Variants in STMN4 observed in about 807,000 individuals in gnomAD.
The protein encoded by STMN4 is stathmin 4, also known as stathmin-4.
Under a neutral mutation model 29.1 loss-of-function variants are expected in STMN4, and 12 were observed. The observed-to-expected ratio is 0.41, with a 90% CI of 0.26 to 0.67. The LOEUF (loss-of-function observed/expected upper bound fraction) is 0.67, where lower values mean the gene tolerates loss of function less well. STMN4 is among the 30% of genes least tolerant of loss of function. The probability of loss-of-function intolerance (pLI) is 0.30; values close to 1 mark genes in which losing one functional copy is unlikely to be tolerated. For synonymous variants in STMN4, 114 were observed against 105.3 expected (o/e 1.08, Z -0.51); for missense variants, 181 against 262.8 (o/e 0.69, Z 2.15).
At chr8:27,254,930 C>CACAT (rs1159141989) in intron 1 of STMN4, among the ~76,000 whole-genome samples, 2 of 127,540 alleles carry the variant, frequency 1.6e-5, no homozygotes, top group African/African-American at 6.1e-5. Context: ...TGGGAGCACT[C>CACAT]GTGTGTGTAG....
intron 1 of STMN4, among the ~76,000 whole-genome samples, chr8:27,250,359 C>T (rs77963899): frequency 0.038 from 5,739 of 152,242 alleles, 147 homozygotes; most frequent in Non-Finnish European, 0.058. Flanking sequence ...ATTCTTTCTA[C>T]AATATTTACT....
rs1334617503 is a variant in STMN4, at chr8:27,241,270, G to A, written c.191-8C>T. On this transcript the variant is annotated splice_polypyrimidine_tract_variant and splice_region_variant and intron_variant, in intron 4 of 6. Coordinates refer to ENST00000350889, the MANE Select transcript of STMN4 (RefSeq NM_030795.4). The stretch of plus-strand genomic sequence containing the variant: ...TCAGGTCCACCGTGTCTGCTACAGA[G>A]GGCAGAGAAGGGGCTGCTCACGTCC... The A allele has an allele frequency of 6.2e-7, 1 of 1,614,100 alleles. No homozygotes were observed.
At chr8:27,242,262 G>A (rs933959810) in intron 3 of STMN4, 135 bp downstream of exon 3, 2 of 898,494 alleles carry the variant, frequency 2.2e-6, no homozygotes, top group Non-Finnish European at 3.5e-6. Context: ...CTCACCCGCT[G>A]TGATTTCATC....
intron 5 of STMN4, among the ~76,000 whole-genome samples, 189 bp downstream of exon 5, chr8:27,240,865 A>G (rs1304594564): frequency 6.6e-6 from 1 of 152,174 alleles, no homozygotes; most frequent in East Asian, 1.9e-4. Context: ...GTGAGCTGCA[A>G]GAGGCCAAGG....
At chr8:27,240,546 G>A (rs1219396125) in intron 5 of STMN4, among the ~76,000 whole-genome samples, 4 of 152,144 alleles carry the variant, frequency 2.6e-5, no homozygotes, top group Non-Finnish European at 5.9e-5. Flanking sequence ...GTAGACATAT[G>A]CCCTAAGGTG....
chr8:27,236,884 G>A lies in STMN4; in HGVS notation c.613C>T (p.Arg205Trp), dbSNP rs761810061. 3 of 1,608,110 alleles carry A rather than the reference G, an allele frequency of 1.9e-6. No individual in the cohort carries two copies. Among genetic ancestry groups the A allele is most frequent in the Non-Finnish European group, 1.7e-6 (2 of 1,177,622 alleles). Residue 205 changes from arginine (R) to tryptophan (W), a missense_variant, in exon 7 of 7, where the codon CGG becomes TGG. Arg to Trp is a moderately radical substitution (Grantham distance 101, BLOSUM62 -3). Transcript: ENST00000350889. ...QEKDKHAEEV[R>W]KNKELKEEAS... is the part of the protein sequence containing the mutation. ...TCTTCCTTCAGCTCCTTGTTTTTCCGCACCTCCTCGGCGTGCTTGTCCTGG... is the reference window on the plus strand; with the variant it reads ...TCTTCCTTCAGCTCCTTGTTTTTCCACACCTCCTCGGCGTGCTTGTCCTGG...
chr8:27,250,847 G>C (rs551652140), intron 1 of STMN4, among the ~76,000 whole-genome samples: 185 of 152,322 alleles, frequency 1.2e-3, no homozygotes, highest in African/African-American at 4.4e-3. Flanking sequence ...AGCACTAACA[G>C]CTATGTTAAG....
At position 27,242,497 on chromosome 8, in the gene STMN4, G is replaced by A. The variant is rs3739213; in HGVS notation, c.14-5C>T. The A allele has an allele frequency of 0.13, 213,132 of 1,613,466 alleles. 19,474 individuals carry two copies. Among genetic ancestry groups the A allele is most frequent in the East Asian group, 0.44 (19,596 of 44,822 alleles). ...CCTTCATCTTCTCTTTGTAGGCTGC[G>A]GAAACACCCAGTCAGGTGAGGATGG... On this transcript the variant is annotated splice_polypyrimidine_tract_variant and splice_region_variant and intron_variant, in intron 2 of 6. Coordinates refer to ENST00000350889, the MANE Select transcript of STMN4 (RefSeq NM_030795.4).
intron 1 of STMN4, among the ~76,000 whole-genome samples, chr8:27,256,155 G>A (rs1801933570): frequency 1.3e-5 from 2 of 152,122 alleles, no homozygotes; most frequent in African/African-American, 2.4e-5. Flanking sequence ...GTACCTAGAG[G>A]AGTTAAATTT....
At position 27,242,436 on chromosome 8, in the gene STMN4, G is replaced by C; in HGVS notation, c.70C>G (p.Leu24Val). The C allele has an allele frequency of 6.2e-7, 1 of 1,614,192 alleles. No homozygotes were observed. The highest frequency in any genetic ancestry group is 1.1e-5 in the South Asian group (1 of 91,084). ...GACGACTTATTCAGGGGATCGGCCA[G>C]GAAGCAGGAGCAGAACAAGGACACC... is the stretch of plus-strand genomic sequence containing the variant. ...PLVSLFCSCFLADPLNKSSYK... is the reference protein window; with the variant it reads ...PLVSLFCSCFVADPLNKSSYK... Residue 24 changes from leucine to valine, a missense_variant, in exon 3 of 7, where the codon CTG (leucine) becomes GTG (valine). Coordinates refer to ENST00000350889, the MANE Select transcript of STMN4 (RefSeq NM_030795.4).
chr8:27,240,178 G>A lies in STMN4; in HGVS notation c.400-16C>T, dbSNP rs757011299. 1 of 1,609,380 alleles carries A rather than the reference G, an allele frequency of 6.2e-7. No individual in the cohort carries two copies. Among genetic ancestry groups the A allele is most frequent in the Admixed American group, 1.7e-5 (1 of 59,316 alleles). On this transcript the variant is annotated splice_polypyrimidine_tract_variant and intron_variant, in intron 5 of 6. Coordinates refer to ENST00000350889, the MANE Select transcript of STMN4 (RefSeq NM_030795.4). ...CTTCCTGGTACTGGGGAAGCATAAA[G>A]GCAGAAGGAGGCCCTTCACAGTGAG...
intron 1 of STMN4, among the ~76,000 whole-genome samples, chr8:27,250,201 T>A (rs1227584132): frequency 6.6e-6 from 1 of 152,206 alleles, no homozygotes; most frequent in African/African-American, 2.4e-5. Context: ...AAATGCCACA[T>A]TTATTTGCTT....
intron 6 of STMN4, chr8:27,239,374 G>A: frequency 7.2e-7 from 1 of 1,388,488 alleles, no homozygotes. Flanking sequence ...CGTGTTCTCA[G>A]CAGAACGGGC....
chr8:27,243,158 G>A (rs1801524621), intron 2 of STMN4, among the ~76,000 whole-genome samples: 1 of 152,124 alleles, frequency 6.6e-6, no homozygotes, highest in Non-Finnish European at 1.5e-5. Context: ...CACCGCCTTG[G>A]GGCCCGTGTG....
intron 1 of STMN4, among the ~76,000 whole-genome samples, chr8:27,253,491 TTTC>T (rs1801851022): frequency 6.6e-6 from 1 of 152,216 alleles, no homozygotes; most frequent in African/African-American, 2.4e-5. Flanking sequence ...TATTGAGTTC[TTTC>T]TTACATTATT....
At chr8:27,255,996 T>A (rs1586025149) in intron 1 of STMN4, among the ~76,000 whole-genome samples, 1 of 152,150 alleles carries the variant, frequency 6.6e-6, no homozygotes, top group Admixed American at 6.6e-5. Context: ...AAAAAAATAT[T>A]TAGATTTAAT....
chr8:27,257,597 C>T (rs1026627282), intron 1 of STMN4, among the ~76,000 whole-genome samples: 8 of 151,962 alleles, frequency 5.3e-5, no homozygotes, highest in South Asian at 2.1e-4. Flanking sequence ...AGCACCGCCA[C>T]GTGGGGACAG....
chr8:27,239,135 T>C (rs1801392330), intron 6 of STMN4: 1 of 1,429,114 alleles, frequency 7.0e-7, no homozygotes, highest in Non-Finnish European at 9.3e-7. Context: ...TCAGACACCT[T>C]GTGAAGAAAC....
intron 6 of STMN4, chr8:27,239,611 A>C: frequency 1.7e-6 from 2 of 1,173,350 alleles, no homozygotes; most frequent in Non-Finnish European, 2.3e-6. Context: ...CCTTCCATCA[A>C]ATCAATCCAT....
Sources: gnomAD v4.1 joint callset for allele counts (sites outside exome capture counted in the v4.1 genomes callset) on GRCh38, gnomAD v4.1.1 for gene constraint, MANE v1.5 for transcripts, NCBI Gene and HGNC (gene_info 2026-07-23, HGNC 2026-07-21) for gene names.